The following MRAS variants were observed in gnomAD, a reference collection of about 807,000 sequenced individuals.
The protein encoded by MRAS is muscle RAS oncogene homolog, also known as ras-related protein M-Ras.
In MRAS, 4 loss-of-function variants were observed where a neutral mutation model predicts 20.9. The ratio of observed to expected loss-of-function variants is 0.19; its 90% CI spans 0.09 to 0.44. MRAS has a LOEUF of 0.44. MRAS is among the 20% of genes least tolerant of loss of function. MRAS has a pLI of 0.99. For missense variants in MRAS, 154 were observed against 277.5 expected, an observed-to-expected ratio of 0.56 and a Z score of 3.16; for synonymous variants, 98 against 102.9, an observed-to-expected ratio of 0.95 and a Z score of 0.29.
chr3:138,389,216 A>G (rs1046739731), intron 2 of MRAS, among the ~76,000 whole-genome samples: 1 of 151,858 alleles, frequency 6.6e-6, no homozygotes, highest in East Asian at 1.9e-4. Flanking sequence ...CAGTGATGGC[A>G]TTTTCTGTAG....
At chr3:138,377,194 TA>T (rs1271533390) in intron 2 of MRAS, among the ~76,000 whole-genome samples, 1 of 152,246 alleles carries the variant, frequency 6.6e-6, no homozygotes, top group Non-Finnish European at 1.5e-5. Flanking sequence ...GTTAAGCTTC[TA>T]ATTCTGCCAC....
At chr3:138,384,346 TAAG>T (rs2054966020) in intron 2 of MRAS, among the ~76,000 whole-genome samples, 1 of 152,090 alleles carries the variant, frequency 6.6e-6, no homozygotes, top group Non-Finnish European at 1.5e-5. Flanking sequence ...AAAGACCAGT[TAAG>T]AAGCTCCTGA....
chr3:138,385,748 C>CATACCTG (rs2054998720), intron 2 of MRAS, among the ~76,000 whole-genome samples: 1 of 152,156 alleles, frequency 6.6e-6, no homozygotes, highest in Non-Finnish European at 1.5e-5. Context: ...CTCCTGACCT[C>CATACCTG]AGGTAATCCA....
intron 1 of MRAS, among the ~76,000 whole-genome samples, chr3:138,359,437 A>G (rs1406289837): frequency 3.9e-5 from 6 of 151,928 alleles, no homozygotes; most frequent in African/African-American, 7.3e-5. Context: ...CAGTCTGGTT[A>G]CTCTTTAAAA....
In MRAS at chr3:138,366,009, A is replaced by G. The variant is rs543412714; in HGVS notation, c.-18-6857A>G. 8.6e-4 allele frequency among the ~76,000 whole-genome samples: 131 copies of G among 152,332 alleles called. 3 individuals carry two copies. In the South Asian group the frequency reaches 0.024, roughly 28 times the overall value. On this transcript the variant is annotated intron_variant, in intron 1 of 5. Transcript: ENST00000423968. Reference sequence around the variant, plus strand: ...AGTTGAGAGGCCCAATGACAGTGCCACACTTGGCTTAGCAAAGATATGAAA... The same window carrying G: ...AGTTGAGAGGCCCAATGACAGTGCCGCACTTGGCTTAGCAAAGATATGAAA...
At chr3:138,371,442 G>T (rs1437272778) in intron 1 of MRAS, among the ~76,000 whole-genome samples, 1 of 152,086 alleles carries the variant, frequency 6.6e-6, no homozygotes, top group Non-Finnish European at 1.5e-5. Context: ...GGAAACTATG[G>T]CTCAGAGAGA....
At chr3:138,377,831 G>A (rs945386549) in intron 2 of MRAS, among the ~76,000 whole-genome samples, 7 of 152,238 alleles carry the variant, frequency 4.6e-5, no homozygotes, top group African/African-American at 1.4e-4. Context: ...TTGATGACGG[G>A]GTATTGAATG....
At chr3:138,356,030 G>GCCCTGCTTT (rs1446575186) in intron 1 of MRAS, among the ~76,000 whole-genome samples, 1 of 152,222 alleles carries the variant, frequency 6.6e-6, no homozygotes, top group Non-Finnish European at 1.5e-5. Context: ...ACCTCAGAAG[G>GCCCTGCTTT]CCCTGCTTTA....
intron 2 of MRAS, among the ~76,000 whole-genome samples, chr3:138,394,255 T>C (rs1287810750): frequency 6.6e-6 from 1 of 152,178 alleles, no homozygotes; most frequent in African/African-American, 2.4e-5. Context: ...ATATCAGAGC[T>C]GTAAGGACCT....
At chr3:138,362,449 C>A (rs1372273244) in intron 1 of MRAS, among the ~76,000 whole-genome samples, 1 of 152,164 alleles carries the variant, frequency 6.6e-6, no homozygotes, top group Non-Finnish European at 1.5e-5. Context: ...CCTCCGTGAC[C>A]CTATTCCCAT....
chr3:138,398,655 G>C (rs2055292824), intron 4 of MRAS, 87 bp downstream of exon 4: 3 of 1,166,104 alleles, frequency 2.6e-6, no homozygotes, highest in Non-Finnish European at 2.5e-6. Context: ...CTTTGGAAAT[G>C]AAACTACTGT....
At chr3:138,351,091 A>G (rs2054218053) in intron 1 of MRAS, among the ~76,000 whole-genome samples, 3 of 152,200 alleles carry the variant, frequency 2.0e-5, no homozygotes, top group Admixed American at 2.0e-4. Context: ...CTCAGTCAGA[A>G]TCACATGTTG....
At chr3:138,392,444 G>T (rs1055485640) in intron 2 of MRAS, among the ~76,000 whole-genome samples, 1 of 152,166 alleles carries the variant, frequency 6.6e-6, no homozygotes, top group Non-Finnish European at 1.5e-5. Context: ...TTTAAGAGAG[G>T]CCTCTTCAAG....
intron 1 of MRAS, among the ~76,000 whole-genome samples, chr3:138,357,179 G>A (rs1457225139): frequency 6.6e-6 from 1 of 152,242 alleles, no homozygotes; most frequent in Non-Finnish European, 1.5e-5. Context: ...AAAGACGGCA[G>A]GGCTGGGAGA....
rs925126698 is a variant in MRAS, at chr3:138,401,671, A to G, written c.528-499A>G. ...ATTTGCTCTTGGGCATTTTGCCTCC[A>G]ATTAGGATGTGCTGCCATCAGGTAG... On this transcript the variant is annotated intron_variant, in intron 5 of 5. Coordinates refer to ENST00000423968, the MANE Select transcript of MRAS (RefSeq NM_001085049.3). 2.6e-5 allele frequency among the ~76,000 whole-genome samples: 4 copies of G among 152,206 alleles called. No homozygotes were observed. The South Asian group carries it at 8.3e-4, about 31-fold the overall frequency.
intron 2 of MRAS, among the ~76,000 whole-genome samples, chr3:138,381,282 G>A (rs1357797859): frequency 6.6e-6 from 1 of 152,168 alleles, no homozygotes; most frequent in African/African-American, 2.4e-5. Context: ...TGTTGGTTAG[G>A]GATGGAAGGC....
At chr3:138,356,058 A>G (rs1382411137) in intron 1 of MRAS, among the ~76,000 whole-genome samples, 2 of 152,358 alleles carry the variant, frequency 1.3e-5, no homozygotes, top group Non-Finnish European at 2.9e-5. Context: ...TTATCTTGCA[A>G]TGGAAGCCGT....
chr3:138,361,498 CT>C (rs2054446682), intron 1 of MRAS, among the ~76,000 whole-genome samples: 1 of 152,186 alleles, frequency 6.6e-6, no homozygotes, highest in Admixed American at 6.5e-5. Context: ...GCTGTTTGCA[CT>C]GCCAAGGGAG....
At position 138,397,261 on chromosome 3, in the gene MRAS, T is replaced by C. The variant is rs2055256130; in HGVS notation, c.194-63T>C. On this transcript the variant is annotated intron_variant, in intron 2 of 5. Transcript: ENST00000423968. ...AGCAGCAGCAGCAGTGTTGGAGTCT[T>C]GCAGGCTGTGGGGGCTACAGGGTAG... The C allele has an allele frequency of 3.2e-6, 5 of 1,579,136 alleles. No individual in the cohort carries two copies. The Admixed American group carries it at 8.7e-5, about 27-fold the overall frequency.
Sources: gnomAD v4.1 joint callset for allele counts (sites outside exome capture counted in the v4.1 genomes callset) on GRCh38, gnomAD v4.1.1 for gene constraint, MANE v1.5 for transcripts, NCBI Gene and HGNC (gene_info 2026-07-23, HGNC 2026-07-21) for gene names.